The following OSBPL6 variants were observed in gnomAD, a reference collection of about 807,000 sequenced individuals.
OSBPL6 encodes oxysterol binding protein like 6, also known as oxysterol-binding protein-related protein 6.
In OSBPL6, 49 loss-of-function variants were observed where a neutral mutation model predicts 125.8. That is an observed-to-expected ratio of 0.39 (90% CI 0.31 to 0.49). The LOEUF is 0.49. Ranked by LOEUF, OSBPL6 falls within the 20% of genes least tolerant of loss-of-function variation. The pLI is 0.88. For synonymous variants in OSBPL6, 394 were observed against 391.8 expected (o/e 1.01, Z -0.07); for missense variants, 986 against 1,135.4 (o/e 0.87, Z 1.89).
At chr2:178,394,738 G>A (rs1479765156) in intron 24 of OSBPL6, among the ~76,000 whole-genome samples, 2 of 151,976 alleles carry the variant, frequency 1.3e-5, no homozygotes, top group South Asian at 2.1e-4. Context: ...CCTTAGCCAG[G>A]GACTGAACCA....
At chr2:178,255,656 C>T (rs2091861809) in intron 1 of OSBPL6, among the ~76,000 whole-genome samples, 1 of 152,210 alleles carries the variant, frequency 6.6e-6, no homozygotes, top group Admixed American at 6.5e-5. Flanking sequence ...TCTTACAGAC[C>T]AATTCCTAAT....
At chr2:178,322,186 A>G (rs535879825) in intron 3 of OSBPL6, among the ~76,000 whole-genome samples, 2 of 152,298 alleles carry the variant, frequency 1.3e-5, no homozygotes, top group East Asian at 1.9e-4. Context: ...TTTCCTGCCT[A>G]CATAGTTACT....
chr2:178,283,140 C>T (rs1684373708), intron 1 of OSBPL6, among the ~76,000 whole-genome samples: 1 of 152,158 alleles, frequency 6.6e-6, no homozygotes, highest in Non-Finnish European at 1.5e-5. Flanking sequence ...AAATTTTACT[C>T]AGGACTTACA....
At position 178,333,049 on chromosome 2, in the gene OSBPL6, T is replaced by C; in HGVS notation, c.657+8T>C. The C allele has an allele frequency of 6.2e-7, 1 of 1,612,760 alleles. No individual in the cohort carries two copies. Among genetic ancestry groups the C allele is most frequent in the East Asian group, 2.2e-5 (1 of 44,860 alleles). ...TCTGTAATGGATGGAAAGGTATGAC[T>C]TTGTTCTATAAAAACCAGCCTGAAA... On this transcript the variant is annotated splice_region_variant and intron_variant, in intron 8 of 24. Transcript: ENST00000190611.
At chr2:178,370,634 T>A (rs1157049249) in intron 13 of OSBPL6, among the ~76,000 whole-genome samples, 3 of 152,242 alleles carry the variant, frequency 2.0e-5, no homozygotes, top group Non-Finnish European at 4.4e-5. Flanking sequence ...CTACTAAGAA[T>A]GTTATCACCT....
chr2:178,247,467 A>G (rs996619143), intron 1 of OSBPL6, among the ~76,000 whole-genome samples: 2 of 152,032 alleles, frequency 1.3e-5, no homozygotes. Context: ...TAGGCATGTC[A>G]TGGGCACTCT....
At chr2:178,230,466 G>A (rs1353878173) in intron 1 of OSBPL6, 1 of 152,166 alleles carries the variant, frequency 6.6e-6, no homozygotes, top group Non-Finnish European at 1.5e-5. Flanking sequence ...TCGGAAAAGT[G>A]GAAGACATGA....
In OSBPL6 at chr2:178,361,900, G is replaced by T. The variant is rs377745286; in HGVS notation, c.1287+85G>T. ...GATCAAAAGATGGGGGGCTGGCAGGGAGGTGGCTAGTCATGGGGATAGTAC... is the reference window on the plus strand; with the variant it reads ...GATCAAAAGATGGGGGGCTGGCAGGTAGGTGGCTAGTCATGGGGATAGTAC... On this transcript the variant is annotated intron_variant, in intron 13 of 24. Coordinates refer to ENST00000190611, the MANE Select transcript of OSBPL6 (RefSeq NM_032523.4). 2.0e-5 allele frequency: 31 copies of T among 1,537,650 alleles called. 1 individual carries two copies. The African/African-American group carries it at 3.0e-4, about 15-fold the overall frequency.
chr2:178,316,172 T>C (rs1351499975), intron 3 of OSBPL6, among the ~76,000 whole-genome samples: 1 of 152,192 alleles, frequency 6.6e-6, no homozygotes, highest in Non-Finnish European at 1.5e-5. Context: ...CTGGTGAGGC[T>C]TCAAGGAAAT....
At chr2:178,382,770 T>C (rs950931602) in intron 16 of OSBPL6, 4 of 1,427,740 alleles carry the variant, frequency 2.8e-6, no homozygotes, top group Admixed American at 3.0e-5. Context: ...ATGTATTTAA[T>C]TTTTTAAAAC....
At chr2:178,336,220 C>T (rs6760059) in intron 8 of OSBPL6, 81 bp from the exon 9 acceptor site, 257,145 of 1,472,036 alleles carry the variant, frequency 0.17, 23,963 homozygotes, top group Admixed American at 0.27. Flanking sequence ...TTTGTTAATA[C>T]GGTTTTGAGG....
intron 1 of OSBPL6, among the ~76,000 whole-genome samples, chr2:178,212,670 G>T (rs1425228423): frequency 6.6e-6 from 1 of 152,078 alleles, no homozygotes; most frequent in African/African-American, 2.4e-5. Flanking sequence ...ATTCTAATTG[G>T]GTTTTCCCCT....
chr2:178,352,771 G>A (rs556876966), intron 12 of OSBPL6, among the ~76,000 whole-genome samples: 3 of 152,322 alleles, frequency 2.0e-5, no homozygotes, highest in East Asian at 1.9e-4. Context: ...TTTGAGAACG[G>A]ACAGAATGCC....
At chr2:178,324,911 A>T (rs917747491) in intron 4 of OSBPL6, among the ~76,000 whole-genome samples, 2 of 152,198 alleles carry the variant, frequency 1.3e-5, no homozygotes, top group Non-Finnish European at 2.9e-5. Context: ...AATAGAACCT[A>T]TGCGGAGGGA....
At chr2:178,213,824 C>A (rs73975816) in intron 1 of OSBPL6, among the ~76,000 whole-genome samples, 1 of 152,104 alleles carries the variant, frequency 6.6e-6, no homozygotes, top group African/African-American at 2.4e-5. Context: ...CTGCATAAGG[C>A]CTTTGCACAT....
chr2:178,249,404 C>G (rs1350862882), intron 1 of OSBPL6, among the ~76,000 whole-genome samples: 1 of 152,152 alleles, frequency 6.6e-6, no homozygotes, highest in Non-Finnish European at 1.5e-5. Flanking sequence ...CCACACTTTA[C>G]CTAATCCGTC....
intron 1 of OSBPL6, among the ~76,000 whole-genome samples, chr2:178,221,328 G>A (rs1574525920): frequency 6.6e-6 from 1 of 152,156 alleles, no homozygotes; most frequent in African/African-American, 2.4e-5. Context: ...TTTTAGTGTA[G>A]GGTAGAAACA....
intron 2 of OSBPL6, among the ~76,000 whole-genome samples, chr2:178,288,678 C>G (rs1303483601): frequency 1.3e-5 from 2 of 148,504 alleles, no homozygotes; most frequent in South Asian, 2.1e-4. Flanking sequence ...GAGGGAGTTT[C>G]GCTCTTGTTG....
chr2:178,300,261 C>T (rs1686160895), intron 2 of OSBPL6, among the ~76,000 whole-genome samples: 2 of 152,136 alleles, frequency 1.3e-5, no homozygotes, highest in African/African-American at 2.4e-5. Context: ...AAGGGATGGG[C>T]AGGGGGTTCA....
Sources: allele counts gnomAD v4.1 joint callset (sites outside exome capture counted in the v4.1 genomes callset), GRCh38; gene constraint gnomAD v4.1.1; transcripts MANE v1.5; gene names NCBI Gene and HGNC (gene_info 2026-07-23, HGNC 2026-07-21).